IQCK: variants seen among roughly 807,000 people sequenced by gnomAD.
IQCK encodes the protein IQ domain-containing protein K.
Under a neutral mutation model 28.1 loss-of-function variants are expected in IQCK, and 29 were observed. The ratio of observed to expected loss-of-function variants is 1.03; its 90% CI spans 0.77 to 1.41. The LOEUF is 1.41. IQCK is among the 40% of genes most tolerant of loss of function. IQCK has a pLI of 0.00. For missense variants in IQCK, 359 were observed against 314.7 expected, an observed-to-expected ratio of 1.14 and a Z score of -1.07; for synonymous variants, 113 against 115.1, an observed-to-expected ratio of 0.98 and a Z score of 0.12.
intron 1 of IQCK, among the ~76,000 whole-genome samples, chr16:19,719,567 G>T (rs1391811299): frequency 2.7e-5 from 4 of 150,902 alleles, no homozygotes; most frequent in Non-Finnish European, 4.4e-5. Flanking sequence ...TCCAGCCTGG[G>T]TGACAGAGCG....
intron 6 of IQCK, among the ~76,000 whole-genome samples, chr16:19,765,269 G>A (rs2055216320): frequency 6.6e-6 from 1 of 150,762 alleles, no homozygotes; most frequent in African/African-American, 2.4e-5. Flanking sequence ...CGGGCATGGT[G>A]GCTTATGCCT....
chr16:19,732,440 A>G (rs1051386778), intron 2 of IQCK, among the ~76,000 whole-genome samples: 5 of 152,110 alleles, frequency 3.3e-5, no homozygotes, highest in African/African-American at 4.8e-5. Context: ...GAGAGTCGGT[A>G]TTTTGGGATT....
chr16:19,845,851 G>T (rs1567201377), intron 9 of IQCK, among the ~76,000 whole-genome samples: 1 of 152,086 alleles, frequency 6.6e-6, no homozygotes, highest in East Asian at 1.9e-4. Flanking sequence ...GAGGCGGGCG[G>T]ATCACTTGAG....
At chr16:19,770,635 G>C (rs906593761) in intron 6 of IQCK, among the ~76,000 whole-genome samples, 1 of 151,180 alleles carries the variant, frequency 6.6e-6, no homozygotes, top group Non-Finnish European at 1.5e-5. Flanking sequence ...TTTGGGGGGC[G>C]GGGGGGTGAC....
chr16:19,732,865 G>A (rs1977884689), intron 2 of IQCK, among the ~76,000 whole-genome samples: 1 of 152,192 alleles, frequency 6.6e-6, no homozygotes, highest in South Asian at 2.1e-4. Context: ...TCCTGGAGAG[G>A]AGGGGGAGCT....
At chr16:19,764,371 C>T (rs187887844) in intron 6 of IQCK, 7 of 305,970 alleles carry the variant, frequency 2.3e-5, no homozygotes, top group Admixed American at 1.8e-4. Context: ...ATTTATCCCT[C>T]CATTCCCTTC....
At chr16:19,730,571 C>A in intron 2 of IQCK, 77 bp downstream of exon 2, 1 of 1,182,748 alleles carries the variant, frequency 8.5e-7, no homozygotes, top group Non-Finnish European at 1.2e-6. Flanking sequence ...GAATGTCACA[C>A]AGTGTCACTG....
At chr16:19,737,126 C>T (rs1002359126) in intron 4 of IQCK, among the ~76,000 whole-genome samples, 5 of 151,920 alleles carry the variant, frequency 3.3e-5, no homozygotes, top group Admixed American at 6.6e-5. Context: ...CATGCCACTG[C>T]ACCCCAGCCT....
rs149348189 is a variant in IQCK at position 19,808,262 on chromosome 16, G to C, written c.691-18764G>C. 4.2e-3 allele frequency among the ~76,000 whole-genome samples: 636 copies of C among 152,304 alleles called. 6 individuals carry two copies. The highest frequency in any genetic ancestry group is 0.015 in the African/African-American group (606 of 41,578). On this transcript the variant is annotated intron_variant, in intron 7 of 7. Coordinates refer to ENST00000564186, the Ensembl canonical transcript of IQCK. ...AGTTGTTTAAACATACTCTGGGTTA[G>C]AGCTGCAAGTGTATTTTCCTTAATA...
chr16:19,773,381 C>A (rs1380681588), intron 6 of IQCK, among the ~76,000 whole-genome samples: 2 of 152,164 alleles, frequency 1.3e-5, no homozygotes, highest in Non-Finnish European at 2.9e-5. Context: ...AACGCCAACC[C>A]TCCCACCAAA....
intron 4 of IQCK, among the ~76,000 whole-genome samples, chr16:19,757,353 A>G (rs894245121): frequency 1.3e-5 from 2 of 152,138 alleles, no homozygotes; most frequent in African/African-American, 4.8e-5. Context: ...GGTACAAAAT[A>G]CTGTCTGGAT....
chr16:19,740,367 G>A (rs1044070603), intron 4 of IQCK, among the ~76,000 whole-genome samples: 4 of 152,168 alleles, frequency 2.6e-5, no homozygotes, highest in Non-Finnish European at 5.9e-5. Flanking sequence ...ATCCCGTGGT[G>A]TTAAACAGGT....
At chr16:19,804,349 AAAAAT>A (rs903318035) in intron 7 of IQCK, among the ~76,000 whole-genome samples, 10 of 151,900 alleles carry the variant, frequency 6.6e-5, no homozygotes, top group African/African-American at 9.7e-5. Context: ...ATCTCAAAAA[AAAAAT>A]AAAATAAAAA....
chr16:19,848,192 C>A (rs1247184092), intron 9 of IQCK, among the ~76,000 whole-genome samples: 1 of 152,174 alleles, frequency 6.6e-6, no homozygotes, highest in Non-Finnish European at 1.5e-5. Context: ...TTTAACCATT[C>A]TGGTGGGTGT....
chr16:19,804,690 A>C (rs1415517384), intron 7 of IQCK, among the ~76,000 whole-genome samples: 1 of 152,018 alleles, frequency 6.6e-6, no homozygotes, highest in African/African-American at 2.4e-5. Flanking sequence ...CCGCCTCCCA[A>C]AGTGTTGGGA....
intron 7 of IQCK, chr16:19,819,601 C>A: frequency 6.1e-6 from 1 of 163,734 alleles, no homozygotes. Flanking sequence ...TTCAATCCAG[C>A]TGTGATTAAC....
rs76151032 is a variant in IQCK, at chr16:19,740,308, A to G, written c.474+4858A>G. On this transcript the variant is annotated intron_variant, in intron 4 of 7. Transcript: ENST00000564186. ...CATCTGTGTTTTGACTACTGCTATG[A>G]TCATCATCAGAAATTGTATCAAATT... 1.4e-4 allele frequency among the ~76,000 whole-genome samples: 21 copies of G among 152,250 alleles called. No individual in the cohort carries two copies. In the East Asian group the frequency reaches 3.9e-3, roughly 28 times the overall value.
At chr16:19,747,831 T>G (rs1311738054) in intron 4 of IQCK, among the ~76,000 whole-genome samples, 2 of 152,206 alleles carry the variant, frequency 1.3e-5, no homozygotes, top group East Asian at 3.9e-4. Context: ...TGTTCCCTTT[T>G]ATAGATTCCA....
At chr16:19,786,430 G>A (rs982356510) in intron 6 of IQCK, among the ~76,000 whole-genome samples, 1 of 148,624 alleles carries the variant, frequency 6.7e-6, no homozygotes, top group Non-Finnish European at 1.5e-5. Context: ...GTGCACGGTG[G>A]CTCATGCCTG....
Sources: gnomAD v4.1 joint callset for allele counts (sites outside exome capture counted in the v4.1 genomes callset) on GRCh38, gnomAD v4.1.1 for gene constraint, MANE v1.5 for transcripts, NCBI Gene and HGNC (gene_info 2026-07-23, HGNC 2026-07-21) for gene names.